TTN: variants seen among roughly 807,000 people sequenced by gnomAD.
TTN encodes the protein connectin.
Under a neutral mutation model 3,223.0 loss-of-function variants are expected in TTN, and 1,525 were observed. The ratio of observed to expected loss-of-function variants is 0.47; its 90% CI spans 0.45 to 0.49. The LOEUF is 0.49. Ranked by LOEUF, TTN falls within the 20% of genes least tolerant of loss-of-function variation. The probability of loss-of-function intolerance (pLI) is 0.00; values close to 1 mark genes in which losing one functional copy is unlikely to be tolerated. For missense variants in TTN, 40,786 were observed against 43,424.0 expected, an observed-to-expected ratio of 0.94 and a Z score of 5.40; for synonymous variants, 14,094 against 15,161.0, an observed-to-expected ratio of 0.93 and a Z score of 5.17.
At chr2:178,716,914 T>A (rs984969488) in intron 88 of TTN, among the ~76,000 whole-genome samples, 181 bp downstream of exon 88, 68 of 150,676 alleles carry the variant, frequency 4.5e-4, no homozygotes, top group African/African-American at 1.6e-3. Flanking sequence ...AGTTTTAAAT[T>A]TTTTTTTTAA....
rs751457168 is a variant in TTN, at chr2:178,599,710, G to A, written c.56191C>T (p.Pro18731Ser). 1.1e-5 allele frequency: 17 copies of A among 1,613,000 alleles called. No individual in the cohort carries two copies. Among genetic ancestry groups the A allele is most frequent in the South Asian group, 7.7e-5 (7 of 90,996 alleles). Residue 18731 changes from proline to serine, a missense_variant, in exon 289 of 363, where the codon CCT becomes TCT. Transcript: ENST00000589042. ...APPKKPDNKEPVLYDTHVNKL... is the reference protein window; with the variant it reads ...APPKKPDNKESVLYDTHVNKL... The stretch of plus-strand genomic sequence containing the variant: ...TTGACATGGGTGTCATAGAGAACAG[G>A]TTCTTTGTTATCAGGCTTCTTTGGA...
intron 28 of TTN, 49 bp from the exon 29 acceptor site, chr2:178,775,251 T>A: frequency 1.9e-6 from 3 of 1,612,872 alleles, no homozygotes; most frequent in Non-Finnish European, 1.7e-6. Context: ...TATATTAAAT[T>A]AAATTCTCAA....
chr2:178,664,262 C>T lies in TTN; in HGVS notation c.36281-164G>A, dbSNP rs2562848. Among the ~76,000 whole-genome samples the T allele has an allele frequency of 0.2, 30,452 of 151,906 alleles. 5,400 individuals are homozygous for T. The highest frequency in any genetic ancestry group is 0.46 in the African/African-American group (19,183 of 41,396). On this transcript the variant is annotated intron_variant, in intron 168 of 362. Coordinates refer to ENST00000589042, the MANE Select transcript of TTN (RefSeq NM_001267550.2). The stretch of plus-strand genomic sequence containing the variant: ...TTTCAGGTTTTAGAGGAGGAACTTC[C>T]GGTATTTTCTTTTTGGTAGCCATTT...
Position 178,766,631 on chromosome 2 carries a change from A to G in TTN, c.9472-19T>C, listed in dbSNP as rs2090477545. On this transcript the variant is annotated intron_variant, in intron 40 of 362. Coordinates refer to ENST00000589042, the MANE Select transcript of TTN (RefSeq NM_001267550.2). The stretch of plus-strand genomic sequence containing the variant: ...CAATGACCTGTTGATGGAACAACAT[A>G]AAAAAACAACAACAACAACAAAAAC... The G allele has an allele frequency of 1.9e-6, 3 of 1,580,234 alleles. No individual in the cohort carries two copies. The highest frequency in any genetic ancestry group is 1.7e-6 in the Non-Finnish European group (2 of 1,154,884).
chr2:178,779,138 T>C lies in TTN; in HGVS notation c.3964-20A>G, dbSNP rs1351703825. ...AGCAATCTGCAAAGAATACCATGCATGTATGAATAAAATTTACATCAAATA... is the reference window on the plus strand; with the variant it reads ...AGCAATCTGCAAAGAATACCATGCACGTATGAATAAAATTTACATCAAATA... On this transcript the variant is annotated intron_variant, in intron 23 of 362. Coordinates refer to ENST00000589042, the MANE Select transcript of TTN (RefSeq NM_001267550.2). The C allele has an allele frequency of 1.2e-6, 2 of 1,613,510 alleles. No individual in the cohort carries two copies. The highest frequency in any genetic ancestry group is 3.3e-5 in the Admixed American group (2 of 59,980).
chr2:178,688,893 C>G, intron 125 of TTN, 115 bp from the exon 126 acceptor site: 1 of 1,110,066 alleles, frequency 9.0e-7, no homozygotes, highest in East Asian at 2.5e-5. Context: ...AATGGGAAAA[C>G]AAGTTACATA....
intron 7 of TTN, 91 bp from the exon 8 acceptor site, chr2:178,794,642 G>A (rs1010899752): frequency 1.4e-6 from 2 of 1,476,414 alleles, no homozygotes; most frequent in South Asian, 2.3e-5. Context: ...GCCACCTAGA[G>A]CAAAATACAC....
At chr2:178,744,413 A>G in intron 47 of TTN, 1 of 982,598 alleles carries the variant, frequency 1.0e-6, no homozygotes, top group Non-Finnish European at 1.2e-6. Flanking sequence ...AATTTTTTAT[A>G]TTTGTCGAGT....
In TTN at chr2:178,609,198, A is replaced by G. The variant is rs1433032198; in HGVS notation, c.52102+10T>C. 10 of 1,491,688 alleles carry G rather than the reference A, an allele frequency of 6.7e-6. No individual in the cohort carries two copies. The South Asian group carries it at 1.5e-4, about 22-fold the overall frequency. 92.4% of individuals were successfully genotyped at this position (1,491,688 alleles called of 1,614,324 possible). A position where few individuals can be genotyped will look rare whatever the true frequency, so the allele number is the denominator to read the frequency against. On this transcript the variant is annotated intron_variant, in intron 273 of 362. Coordinates refer to ENST00000589042, the MANE Select transcript of TTN (RefSeq NM_001267550.2). ...TTTTTCCATTGGAAAGTGTAGTTTT[A>G]ATGACTCACCTAACACACTGACAGT...
Position 178,692,528 on chromosome 2 carries a change from G to A in TTN, c.31647C>T (p.Ile10549=). 1 of 1,588,012 alleles carries A rather than the reference G, an allele frequency of 6.3e-7. No homozygotes were observed. Among genetic ancestry groups the A allele is most frequent in the Non-Finnish European group, 8.6e-7 (1 of 1,166,164 alleles). ...GTGCTGGGGGCTCCACTTTTTTAGG[G>A]ATAGGAACAGGGGCCACTTCTTCTG... ...PAPEEVAPVP[I]PKKVEPPAPK... The change falls in exon 120 of 363, where the codon ATC becomes ATT. Residue 10549 remains isoleucine (I), a synonymous_variant. Coordinates refer to ENST00000589042, the MANE Select transcript of TTN (RefSeq NM_001267550.2).
At chr2:178,782,767 T>A (rs1574768960) in intron 18 of TTN, 39 bp downstream of exon 18, 1 of 1,611,986 alleles carries the variant, frequency 6.2e-7, no homozygotes, top group Non-Finnish European at 8.5e-7. Flanking sequence ...ATGAAAGTGA[T>A]GGCATGTGCA....
rs748822553 is a variant in TTN at position 178,548,755 on chromosome 2, A to G, written c.92871T>C (p.Ala30957=). The change falls in exon 339 of 363, where the codon GCT becomes GCC. Residue 30957 remains alanine (A), a synonymous_variant. Transcript: ENST00000589042. This position sits in a 1 kb window ranked among gnomAD's most constrained non-coding sequence, Gnocchi z 4.3. ...IAYQGRPTPT[A]VWSKPDSNLS... ...GGTTAGAGTCTGGTTTGCTCCACACAGCTGTAGGAGTAGGTCTACCTTGGT... is the reference window on the plus strand; with the variant it reads ...GGTTAGAGTCTGGTTTGCTCCACACGGCTGTAGGAGTAGGTCTACCTTGGT... The G allele has an allele frequency of 1.2e-6, 2 of 1,613,528 alleles. No homozygotes were observed. Among genetic ancestry groups the G allele is most frequent in the Non-Finnish European group, 8.5e-7 (1 of 1,179,814 alleles).
In TTN at chr2:178,526,888, C is replaced by T. The variant is rs1451277864; in HGVS notation, c.*124G>A. On this transcript the variant is annotated 3_prime_UTR_variant, in exon 363 of 363. Coordinates refer to ENST00000589042, the MANE Select transcript of TTN (RefSeq NM_001267550.2). ...TGAAATGAATATTTTTGAACTTTGA[C>T]TCATTTAGGTTGATACAAAACTACT... The T allele has an allele frequency of 3.6e-6, 3 of 824,644 alleles. No homozygotes were observed. Among genetic ancestry groups the T allele is most frequent in the African/African-American group, 3.5e-5 (2 of 57,458 alleles). 51.1% of individuals were successfully genotyped at this position (824,644 alleles called of 1,614,324 possible).
In TTN at chr2:178,667,088, G is replaced by A. The variant is rs756666319; in HGVS notation, c.35797+148C>T. The A allele has an allele frequency of 1.1e-5, 10 of 907,662 alleles. No homozygotes were observed. The Admixed American group carries it at 1.5e-4, about 14-fold the overall frequency. 56.2% of individuals were successfully genotyped at this position (907,662 alleles called of 1,614,324 possible). A position where few individuals can be genotyped will look rare whatever the true frequency, so the allele number is the denominator to read the frequency against. ...TTGACTTTCTTGGGGGCAAGTCATA[G>A]GTCATTCTTTGTTGTGGGTATATCA... On this transcript the variant is annotated intron_variant, in intron 162 of 362. Coordinates refer to ENST00000589042, the MANE Select transcript of TTN (RefSeq NM_001267550.2).
In TTN at chr2:178,698,876, C is replaced by T; in HGVS notation, c.30721G>A (p.Val10241Ile). Reference protein sequence around the residue: ...KAVKKDAKKVVAKPKEMTPRE... With the variant: ...KAVKKDAKKVIAKPKEMTPRE... ...GGTGTCATCTCTTTGGGCTTTGCAA[C>T]AACTTTTTTGGCATCTTTCTTCACA... The change falls in exon 112 of 363, where the codon GTT (valine) becomes ATT (isoleucine). Residue 10241 changes from valine (V) to isoleucine (I), a missense_variant. By Grantham distance (29) the Val-to-Ile change is conservative (BLOSUM62 3). Coordinates refer to ENST00000589042, the MANE Select transcript of TTN (RefSeq NM_001267550.2). The T allele has an allele frequency of 6.7e-7, 1 of 1,503,622 alleles. No homozygotes were observed. Among genetic ancestry groups the T allele is most frequent in the Non-Finnish European group, 8.8e-7 (1 of 1,130,142 alleles). The allele number at this position is 1,503,622 out of a possible 1,614,324, so 93.1% of individuals were successfully genotyped here.
At position 178,759,261 on chromosome 2, in the gene TTN, T is replaced by C. The variant is rs1014449566; in HGVS notation, c.10115-89A>G. The C allele has an allele frequency of 3.1e-6, 4 of 1,288,948 alleles. No homozygotes were observed. The African/African-American group carries it at 4.4e-5, about 14-fold the overall frequency. 79.8% of individuals were successfully genotyped at this position (1,288,948 alleles called of 1,614,324 possible). A position where few individuals can be genotyped will look rare whatever the true frequency, so the allele number is the denominator to read the frequency against. On this transcript the variant is annotated intron_variant, in intron 43 of 362. Transcript: ENST00000589042. ...GCAAACACAATGTTAATAATACTAG[T>C]GCCTACATTTCATATTTGACTTAAT...
chr2:178,653,173 G>A, intron 198 of TTN, 49 bp from the exon 199 acceptor site: 8 of 1,609,632 alleles, frequency 5.0e-6, no homozygotes, highest in South Asian at 2.2e-5. Flanking sequence ...GAAGACCACT[G>A]GAACAAAATG....
Position 178,733,085 on chromosome 2 carries a change from C to T in TTN, c.16091G>A (p.Arg5364His), listed in dbSNP as rs200941841. 115 of 1,603,196 alleles carry T rather than the reference C, an allele frequency of 7.2e-5. No homozygotes were observed. The highest frequency in any genetic ancestry group is 4.3e-4 in the East Asian group (19 of 44,618). ...ACCATTAACAACACTATCCACGTTG[C>T]GCAAGGGTTTGGTAAAAAATGGAGC... is the stretch of plus-strand genomic sequence containing the variant. The part of the protein sequence containing the change: ...DIAPFFTKPL[R>H]NVDSVVNGTC... Residue 5364 changes from arginine (R) to histidine (H), a missense_variant, in exon 55 of 363, where the codon CGC becomes CAC. By Grantham distance (29) the Arg-to-His change is conservative (BLOSUM62 0). Transcript: ENST00000589042.
At position 178,719,729 on chromosome 2, in the gene TTN, C is replaced by T; in HGVS notation, c.23763G>A (p.Lys7921=). ...VVTGTPELSA[K]WFKDGRELSA... is the part of the protein sequence containing the mutation. ...ACAATTCTCTTCCATCTTTGAACCA[C>T]TTGGCTGAGAGTTCTGGTGTTCCAG... Residue 7921 remains lysine, a synonymous_variant, in exon 82 of 363, where the codon AAG becomes AAA. Coordinates refer to ENST00000589042, the MANE Select transcript of TTN (RefSeq NM_001267550.2). 1 of 1,613,730 alleles carries T rather than the reference C, an allele frequency of 6.2e-7. No individual in the cohort carries two copies. The highest frequency in any genetic ancestry group is 8.5e-7 in the Non-Finnish European group (1 of 1,179,692).
Sources: allele counts gnomAD v4.1 joint callset (sites outside exome capture counted in the v4.1 genomes callset), GRCh38; gene constraint gnomAD v4.1.1; non-coding constraint Gnocchi (gnomAD v3.1); transcripts MANE v1.5; gene names NCBI Gene and HGNC (gene_info 2026-07-23, HGNC 2026-07-21).